Variants in POU6F2 observed in about 807,000 individuals in gnomAD.
POU6F2 encodes the protein POU class 6 homeobox 2, also known as POU domain, class 6, transcription factor 2.
POU6F2 carries 31 observed loss-of-function variants against 71.3 expected under a neutral mutation model. The observed-to-expected ratio is 0.43, with a 90% CI of 0.33 to 0.59. POU6F2 has a LOEUF of 0.59. Among genes scored for constraint, POU6F2 ranks in the 20% least tolerant of loss-of-function variants. The pLI is 0.04. For synonymous variants in POU6F2, 347 were observed against 355.7 expected, an observed-to-expected ratio of 0.98 and a Z score of 0.27; for missense variants, 783 against 856.8, an observed-to-expected ratio of 0.91 and a Z score of 1.07.
intron 5 of POU6F2, among the ~76,000 whole-genome samples, chr7:39,368,919 A>T (rs1443327065): frequency 6.6e-6 from 1 of 152,190 alleles, no homozygotes; most frequent in African/African-American, 2.4e-5. Context: ...GGGGTTCAAG[A>T]CTTCAGTGAA....
chr7:39,008,392 G>T (rs1358155921), intron 1 of POU6F2, among the ~76,000 whole-genome samples: 1 of 151,992 alleles, frequency 6.6e-6, no homozygotes, highest in Non-Finnish European at 1.5e-5. Context: ...TTGTAAATTT[G>T]TTTGAGTTCA....
chr7:38,992,306 A>G (rs923549646), intron 1 of POU6F2, among the ~76,000 whole-genome samples: 1 of 152,216 alleles, frequency 6.6e-6, no homozygotes, highest in Non-Finnish European at 1.5e-5. Context: ...TTCAGAGTGT[A>G]TAAATGAGGC....
chr7:39,151,926 G>C (rs913322912), intron 2 of POU6F2, among the ~76,000 whole-genome samples: 3 of 152,130 alleles, frequency 2.0e-5, no homozygotes, highest in African/African-American at 7.2e-5. Context: ...TTTTCTGTTT[G>C]TGCCTTGTGA....
intron 8 of POU6F2, among the ~76,000 whole-genome samples, chr7:39,452,301 A>ATATATAGGC (rs1463919166): frequency 6.6e-6 from 1 of 152,194 alleles, no homozygotes; most frequent in East Asian, 1.9e-4. Context: ...TAGCCTATAT[A>ATATATAGGC]TATGTATATA....
intron 1 of POU6F2, among the ~76,000 whole-genome samples, chr7:38,996,812 CA>C (rs1788753010): frequency 1.3e-5 from 2 of 152,168 alleles, no homozygotes; most frequent in Admixed American, 6.5e-5. Context: ...CTTATATCCG[CA>C]AAGGCTGACA....
intron 1 of POU6F2, among the ~76,000 whole-genome samples, chr7:39,022,546 A>T (rs1189881126): frequency 6.6e-6 from 1 of 152,050 alleles, no homozygotes; most frequent in Non-Finnish European, 1.5e-5. Context: ...AGAGGCAATG[A>T]CTTTTTAAAT....
intron 1 of POU6F2, among the ~76,000 whole-genome samples, chr7:39,021,630 T>C: frequency 6.6e-6 from 1 of 152,052 alleles, no homozygotes; most frequent in East Asian, 1.9e-4. Context: ...ACTATTTTTT[T>C]CCCAAAATGT....
intron 1 of POU6F2, among the ~76,000 whole-genome samples, chr7:39,027,921 T>A (rs859543): frequency 6.6e-6 from 1 of 152,182 alleles, no homozygotes. Context: ...ATGCCAATTT[T>A]TATTTCAGAT....
chr7:38,986,634 T>C (rs1788471093), intron 1 of POU6F2, among the ~76,000 whole-genome samples: 1 of 152,164 alleles, frequency 6.6e-6, no homozygotes, highest in South Asian at 2.1e-4. Context: ...AATTACATGG[T>C]AGACTCCTAT....
intron 2 of POU6F2, among the ~76,000 whole-genome samples, chr7:39,158,913 T>C (rs2128736128): frequency 6.6e-6 from 1 of 152,252 alleles, no homozygotes; most frequent in Middle Eastern, 3.4e-3. Flanking sequence ...GGCTAACACC[T>C]GTAATCCCAG....
intron 6 of POU6F2, among the ~76,000 whole-genome samples, chr7:39,409,596 T>C (rs1289895371): frequency 1.3e-5 from 2 of 152,166 alleles, no homozygotes; most frequent in African/African-American, 2.4e-5. Context: ...CCACGAGACA[T>C]ACCCAGTGTC....
intron 5 of POU6F2, among the ~76,000 whole-genome samples, chr7:39,355,426 A>G (rs1371448741): frequency 6.6e-6 from 1 of 152,184 alleles, no homozygotes; most frequent in Non-Finnish European, 1.5e-5. Flanking sequence ...TTTTGTATGT[A>G]TATATGTGTT....
At chr7:39,395,151 C>T (rs1274171270) in intron 5 of POU6F2, among the ~76,000 whole-genome samples, 4 of 152,152 alleles carry the variant, frequency 2.6e-5, no homozygotes, top group Non-Finnish European at 2.9e-5. Flanking sequence ...TCATGTCCCT[C>T]CATCATTGCC....
At chr7:39,346,107 A>G (rs1562798336) in intron 5 of POU6F2, among the ~76,000 whole-genome samples, 1 of 151,910 alleles carries the variant, frequency 6.6e-6, no homozygotes, top group Admixed American at 6.6e-5. Context: ...CCTTTAAAAA[A>G]CTCTCAGTTC....
intron 4 of POU6F2, among the ~76,000 whole-genome samples, chr7:39,225,968 G>GTT (rs539698138): frequency 6.8e-6 from 1 of 147,372 alleles, no homozygotes; most frequent in Admixed American, 6.7e-5. Context: ...AAAAAAAAAG[G>GTT]TTGTTTTTTT....
intron 2 of POU6F2, among the ~76,000 whole-genome samples, chr7:39,145,413 C>T (rs1023842312): frequency 2.6e-5 from 4 of 152,158 alleles, no homozygotes; most frequent in Admixed American, 6.5e-5. Context: ...TATAAGTAAT[C>T]AAATAAAACC....
chr7:39,195,576 G>T (rs912393766), intron 2 of POU6F2, among the ~76,000 whole-genome samples: 1 of 151,684 alleles, frequency 6.6e-6, no homozygotes, highest in Non-Finnish European at 1.5e-5. Context: ...ACAACACAGG[G>T]ATCTCTGTTC....
chr7:39,163,374 G>C (rs2128737075), intron 2 of POU6F2, among the ~76,000 whole-genome samples: 1 of 152,322 alleles, frequency 6.6e-6, no homozygotes, highest in South Asian at 2.1e-4. Context: ...GAGTAACACA[G>C]AGAACACGGC....
At chr7:39,408,025 A>T (rs1787476750) in intron 6 of POU6F2, among the ~76,000 whole-genome samples, 1 of 152,238 alleles carries the variant, frequency 6.6e-6, no homozygotes, top group South Asian at 2.1e-4. Flanking sequence ...TCATCAAAGG[A>T]TCATTTTATG....
Sources: allele counts gnomAD v4.1 joint callset (sites outside exome capture counted in the v4.1 genomes callset), GRCh38; gene constraint gnomAD v4.1.1; transcripts MANE v1.5; gene names NCBI Gene and HGNC (gene_info 2026-07-23, HGNC 2026-07-21).